TACR3: variants seen among roughly 807,000 people sequenced by gnomAD.
TACR3 encodes tachykinin receptor 3.
In TACR3, 34 loss-of-function variants were observed where a neutral mutation model predicts 35.0. The observed-to-expected ratio is 0.97, with a 90% CI of 0.74 to 1.30. The LOEUF is 1.30. Ranked by LOEUF, TACR3 falls within the 50% of genes most tolerant of loss-of-function variation. The pLI is 0.00. For synonymous variants in TACR3, 233 were observed against 221.1 expected (o/e 1.05, Z -0.48); for missense variants, 558 against 591.7 (o/e 0.94, Z 0.59).
chr4:103,687,234 A>T (rs1486198897), intron 1 of TACR3, among the ~76,000 whole-genome samples: 1 of 152,206 alleles, frequency 6.6e-6, no homozygotes, highest in Admixed American at 6.5e-5. Flanking sequence ...TTACGTATTG[A>T]TGGGACGTAT....
chr4:103,686,150 C>T (rs1485382768), intron 1 of TACR3, among the ~76,000 whole-genome samples: 2 of 152,184 alleles, frequency 1.3e-5, no homozygotes, highest in South Asian at 4.1e-4. Flanking sequence ...TGAATCCCTG[C>T]TGATCTGCAA....
intron 3 of TACR3, among the ~76,000 whole-genome samples, chr4:103,626,763 T>C (rs952089001): frequency 2.6e-5 from 4 of 152,204 alleles, no homozygotes; most frequent in African/African-American, 9.6e-5. Context: ...TGTAACTTTA[T>C]AATGAGTAAT....
chr4:103,605,150 C>T (rs1406498937), intron 3 of TACR3, among the ~76,000 whole-genome samples: 4 of 150,250 alleles, frequency 2.7e-5, no homozygotes, highest in Non-Finnish European at 4.4e-5. Flanking sequence ...CTACAAAGGA[C>T]ATGAACTCAT....
At chr4:103,714,861 ACT>A (rs1723052868) in intron 1 of TACR3, among the ~76,000 whole-genome samples, 1 of 152,058 alleles carries the variant, frequency 6.6e-6, no homozygotes, top group African/African-American at 2.4e-5. Context: ...ATTTCTCATG[ACT>A]CTATATTTTT....
chr4:103,613,998 G>A (rs1396086432), intron 3 of TACR3, among the ~76,000 whole-genome samples: 1 of 152,138 alleles, frequency 6.6e-6, no homozygotes, highest in East Asian at 1.9e-4. Context: ...CCATTTTTAT[G>A]TCCTTATTTA....
At chr4:103,617,570 CTGGT>C (rs1201691921) in intron 3 of TACR3, among the ~76,000 whole-genome samples, 2 of 152,096 alleles carry the variant, frequency 1.3e-5, no homozygotes, top group Non-Finnish European at 2.9e-5. Flanking sequence ...GCTGCTGTTT[CTGGT>C]CAGAGTCTAT....
chr4:103,715,252 G>C (rs75225528), intron 1 of TACR3, among the ~76,000 whole-genome samples: 4,174 of 152,270 alleles, frequency 0.027, 211 homozygotes, highest in African/African-American at 0.096. Flanking sequence ...AGAGGTGATT[G>C]GATCATGGGG....
At chr4:103,618,509 G>A (rs1487066900) in intron 3 of TACR3, among the ~76,000 whole-genome samples, 1 of 148,550 alleles carries the variant, frequency 6.7e-6, no homozygotes, top group Non-Finnish European at 1.5e-5. Context: ...GAAGTCGGGT[G>A]GTATGATGCC....
At chr4:103,600,687 A>G (rs1486686626) in intron 3 of TACR3, among the ~76,000 whole-genome samples, 1 of 152,184 alleles carries the variant, frequency 6.6e-6, no homozygotes, top group Non-Finnish European at 1.5e-5. Flanking sequence ...TTCAAAGAAC[A>G]TCTTTATTTC....
At chr4:103,637,893 A>T (rs994383733) in intron 3 of TACR3, among the ~76,000 whole-genome samples, 2 of 152,168 alleles carry the variant, frequency 1.3e-5, no homozygotes, top group Non-Finnish European at 2.9e-5. Flanking sequence ...GATGTGAAGG[A>T]CCTCTTCAAG....
At chr4:103,607,184 T>A (rs1046694041) in intron 3 of TACR3, among the ~76,000 whole-genome samples, 4 of 151,788 alleles carry the variant, frequency 2.6e-5, no homozygotes, top group African/African-American at 7.3e-5. Flanking sequence ...TAGCAAATCA[T>A]ACTTATCTTT....
intron 3 of TACR3, among the ~76,000 whole-genome samples, chr4:103,627,181 CAAAAAAAAA>C (rs33988758): frequency 9.3e-4 from 23 of 24,702 alleles, no homozygotes; most frequent in East Asian, 2.8e-3. Context: ...GACTCCGTCT[CAAAAAAAAA>C]AAAAAAAAAA....
chr4:103,596,447 C>T (rs2110286401), intron 3 of TACR3, among the ~76,000 whole-genome samples: 1 of 152,020 alleles, frequency 6.6e-6, no homozygotes, highest in African/African-American at 2.4e-5. Flanking sequence ...GCCATTCTAA[C>T]TGGTGTGAGA....
At chr4:103,702,027 A>C (rs1722662698) in intron 1 of TACR3, among the ~76,000 whole-genome samples, 2 of 152,230 alleles carry the variant, frequency 1.3e-5, no homozygotes, top group African/African-American at 4.8e-5. Flanking sequence ...AAGCAATGGC[A>C]ACAAAAGCCA....
intron 1 of TACR3, among the ~76,000 whole-genome samples, chr4:103,661,330 A>C (rs1478563309): frequency 2.0e-5 from 3 of 152,162 alleles, no homozygotes; most frequent in African/African-American, 4.8e-5. Context: ...GTTCCTGCTC[A>C]TGTTGATTAT....
Position 103,586,286 on chromosome 4 carries a change from C to G in TACR3, c.*3396G>C, listed in dbSNP as rs1354650894. On this transcript the variant is annotated 3_prime_UTR_variant, in exon 5 of 5. Transcript: ENST00000304883. ...GCCCTTCTGAACTTTATTCTCTATTCCTGCTTGGCCCTAAGGGAAATTATT... is the reference window on the plus strand; with the variant it reads ...GCCCTTCTGAACTTTATTCTCTATTGCTGCTTGGCCCTAAGGGAAATTATT... 6.6e-6 allele frequency: 1 copy of G among 151,708 alleles called. No homozygotes were observed. Among genetic ancestry groups the G allele is most frequent in the Non-Finnish European group, 1.5e-5 (1 of 67,948 alleles). The allele number at this position is 151,708 out of a possible 1,614,324, so 9.4% of individuals were successfully genotyped here.
rs533305009 is a variant in TACR3 at position 103,691,573 on chromosome 4, G to A, written c.548+27555C>T. The stretch of plus-strand genomic sequence containing the variant: ...TGCATTAAAAATCTTAAATCTGTAT[G>A]TTGGCAGCAGGCCCCCCAAAATCTG... On this transcript the variant is annotated intron_variant, in intron 1 of 4. Coordinates refer to ENST00000304883, the MANE Select transcript of TACR3 (RefSeq NM_001059.3). 2.6e-5 allele frequency among the ~76,000 whole-genome samples: 4 copies of A among 152,240 alleles called. No individual in the cohort carries two copies. The South Asian group carries it at 8.3e-4, about 32-fold the overall frequency.
At chr4:103,665,481 G>T (rs1397208929) in intron 1 of TACR3, among the ~76,000 whole-genome samples, 3 of 152,052 alleles carry the variant, frequency 2.0e-5, no homozygotes, top group Non-Finnish European at 4.4e-5. Flanking sequence ...TTTAGATTTA[G>T]AATTAGGTTT....
intron 1 of TACR3, among the ~76,000 whole-genome samples, chr4:103,704,962 A>AT (rs1184182391): frequency 1.3e-5 from 2 of 152,154 alleles, no homozygotes; most frequent in Non-Finnish European, 2.9e-5. Flanking sequence ...CAAATATGTA[A>AT]TTTTTTATTT....
Sources: gnomAD v4.1 joint callset for allele counts (sites outside exome capture counted in the v4.1 genomes callset) on GRCh38, gnomAD v4.1.1 for gene constraint, MANE v1.5 for transcripts, NCBI Gene and HGNC (gene_info 2026-07-23, HGNC 2026-07-21) for gene names.